Variants in PALM observed in about 807,000 individuals in gnomAD.
PALM encodes the protein paralemmin-1.
A neutral mutation model predicts 30.7 loss-of-function variants in PALM; 18 were observed. The ratio of observed to expected loss-of-function variants is 0.59; its 90% CI spans 0.41 to 0.87. The LOEUF is 0.87. Among genes scored for constraint, PALM ranks in the 40% least tolerant of loss-of-function variants. The pLI is 0.00. For missense variants in PALM, 529 were observed against 555.4 expected (o/e 0.95, Z 0.48); for synonymous variants, 286 against 242.8 (o/e 1.18, Z -1.66).
At position 727,552 on chromosome 19, in the gene PALM, C is replaced by G; in HGVS notation, c.139-12C>G. 6.4e-7 allele frequency: 1 copy of G among 1,572,660 alleles called. No homozygotes were observed. The highest frequency in any genetic ancestry group is 8.6e-7 in the Non-Finnish European group (1 of 1,156,712). On this transcript the variant is annotated splice_polypyrimidine_tract_variant and intron_variant, in intron 3 of 8. Transcript: ENST00000338448. The stretch of plus-strand genomic sequence containing the variant: ...CCTGCCCACGACTCTGACCTGGATC[C>G]CTGCTGCTCAGTCCAAGGCACTGCG...
chr19:726,957 G>GGGGGGGGGC, intron 2 of PALM, 51 bp from the exon 3 acceptor site: 1 of 1,109,144 alleles, frequency 9.0e-7, no homozygotes, highest in Non-Finnish European at 1.3e-6. Context: ...GGGTGGGGGG[G>GGGGGGGGGC]TCTCCGGGAC....
Position 747,346 on chromosome 19 carries a change from C to T in PALM, c.*532C>T. 1 of 156,826 alleles carries T rather than the reference C, an allele frequency of 6.4e-6. No homozygotes were observed. The highest frequency in any genetic ancestry group is 1.4e-5 in the Non-Finnish European group (1 of 71,516). 9.7% of individuals were successfully genotyped at this position (156,826 alleles called of 1,614,324 possible). The stretch of plus-strand genomic sequence containing the variant: ...CCAATCTCAGGCAGTTGGGGTGAGG[C>T]CGTGCCTCTTTGGGGGCTAAAGGTC... On this transcript the variant is annotated 3_prime_UTR_variant, in exon 9 of 9. Transcript: ENST00000338448.
intron 1 of PALM, among the ~76,000 whole-genome samples, chr19:720,669 G>A (rs981140789): frequency 2.0e-5 from 3 of 151,808 alleles, no homozygotes; most frequent in Non-Finnish European, 4.4e-5. Context: ...CCTGGGGAGG[G>A]GCCTGCGCCC....
rs577489555 is a variant in PALM at position 731,383 on chromosome 19, C to G, written c.420+138C>G. The stretch of plus-strand genomic sequence containing the variant: ...GCCAGGCACTTGATTTCCAGCTCAC[C>G]GGAGCCACTTCCCAGCTGTGTGAGC... On this transcript the variant is annotated intron_variant, in intron 5 of 8. Transcript: ENST00000338448. 15 of 846,014 alleles carry G rather than the reference C, an allele frequency of 1.8e-5. No homozygotes were observed. In the South Asian group the frequency reaches 2.7e-4, roughly 15 times the overall value. 52.4% of individuals were successfully genotyped at this position (846,014 alleles called of 1,614,324 possible).
At chr19:731,417 G>A (rs1050817912) in intron 5 of PALM, among the ~76,000 whole-genome samples, 172 bp downstream of exon 5, 2 of 152,246 alleles carry the variant, frequency 1.3e-5, no homozygotes, top group Non-Finnish European at 1.5e-5. Context: ...GCCGGGACAC[G>A]TGGTTTCGCC....
Position 746,291 on chromosome 19 carries a change from A to G in PALM, c.641A>G (p.His214Arg). The G allele has an allele frequency of 1.2e-6, 2 of 1,612,454 alleles. No homozygotes were observed. Among genetic ancestry groups the G allele is most frequent in the Non-Finnish European group, 1.7e-6 (2 of 1,179,212 alleles). Residue 214 changes from histidine to arginine, a missense_variant, in exon 9 of 9, where the codon CAT (histidine) becomes CGT (arginine). Physicochemically the swap from His to Arg is conservative, Grantham distance 29. Coordinates refer to ENST00000338448, the MANE Select transcript of PALM (RefSeq NM_002579.3). The surrounding 1 kb of genome is among the most constrained non-coding windows in gnomAD (Gnocchi z 7.1). ...TCTGTCTCTCCTTGTACAGTGGTCC[A>G]TGCTGTGGACGGCACCGCCGAGAAC... ...KVYEDETKVV[H>R]AVDGTAENGI...
intron 1 of PALM, among the ~76,000 whole-genome samples, chr19:718,049 G>A (rs1224120232): frequency 6.6e-6 from 1 of 152,162 alleles, no homozygotes; most frequent in Non-Finnish European, 1.5e-5. Context: ...GGGCGTGGTG[G>A]CATGTGCCTG....
Position 735,954 on chromosome 19 carries a change from C to G in PALM, c.443-65C>G, listed in dbSNP as rs755575108. 10 of 1,396,334 alleles carry G rather than the reference C, an allele frequency of 7.2e-6. No homozygotes were observed. In the Admixed American group the frequency reaches 1.5e-4, roughly 21 times the overall value. 86.5% of individuals were successfully genotyped at this position (1,396,334 alleles called of 1,614,324 possible). The stretch of plus-strand genomic sequence containing the variant: ...CTTCTGTGAAGGGGCGTTGGGCTGT[C>G]TGGGGGGTCCATGTGACCTCTCCTC... On this transcript the variant is annotated intron_variant, in intron 6 of 8. Transcript: ENST00000338448.
chr19:716,237 C>T (rs1393947356), intron 1 of PALM, among the ~76,000 whole-genome samples: 6 of 151,876 alleles, frequency 4.0e-5, no homozygotes, highest in Admixed American at 3.9e-4. Flanking sequence ...CATGGTGAAA[C>T]CCCCGTCTCT....
intron 8 of PALM, among the ~76,000 whole-genome samples, chr19:744,109 G>C (rs1214714582): frequency 6.6e-6 from 1 of 152,194 alleles, no homozygotes; most frequent in Admixed American, 6.6e-5. Context: ...ACTTGAAAAT[G>C]AATAACATTG....
chr19:727,892 A>G, intron 4 of PALM, 198 bp downstream of exon 4: 1 of 581,530 alleles, frequency 1.7e-6, no homozygotes. Context: ...GGTCTGGGGC[A>G]GCTTGCTGGG....
chr19:716,883 C>T lies in PALM; in HGVS notation c.5+7732C>T, dbSNP rs1292602411. On this transcript the variant is annotated intron_variant, in intron 1 of 8. Transcript: ENST00000338448. The stretch of plus-strand genomic sequence containing the variant: ...AAATACATTTCACACGCTACACAGT[C>T]TGGCTGCTTAAAGTGTACAGCTCAG... 2.6e-5 allele frequency among the ~76,000 whole-genome samples: 4 copies of T among 152,218 alleles called. No individual in the cohort carries two copies. In the East Asian group the frequency reaches 5.8e-4, roughly 22 times the overall value.
At chr19:727,414 C>A (rs1196833552) in intron 3 of PALM, 150 bp from the exon 4 acceptor site, 10 of 648,030 alleles carry the variant, frequency 1.5e-5, no homozygotes, top group Admixed American at 1.1e-4. Flanking sequence ...GATTGTGATT[C>A]TGACCTCAGC....
In PALM at chr19:733,639, G is replaced by T. The variant is rs1404479371; in HGVS notation, c.421-534G>T. 3.3e-5 allele frequency among the ~76,000 whole-genome samples: 5 copies of T among 152,216 alleles called. No individual in the cohort carries two copies. The East Asian group carries it at 9.6e-4, about 29-fold the overall frequency. ...GGAGGGGGCACGGAGGAGCCGGCTG[G>T]ATTCAGGGTGGCCTGCGGGAGCCGC... On this transcript the variant is annotated intron_variant, in intron 5 of 8. Transcript: ENST00000338448.
intron 3 of PALM, 125 bp downstream of exon 3, chr19:727,213 TGACCCTGACCCC>T (rs1449906967): frequency 4.8e-5 from 31 of 646,356 alleles, no homozygotes; most frequent in Non-Finnish European, 6.7e-5. Context: ...CCTCCAGCCC[TGACCCTGACCCC>T]GACCCTGACC....
At chr19:715,544 GA>G (rs1479108124) in intron 1 of PALM, among the ~76,000 whole-genome samples, 2 of 152,228 alleles carry the variant, frequency 1.3e-5, no homozygotes, top group African/African-American at 4.8e-5. Flanking sequence ...GCACCTTGTG[GA>G]AGGACTGGCA....
intron 3 of PALM, 143 bp downstream of exon 3, chr19:727,231 T>TGACCCTGACCCC (rs1568225351): frequency 1.7e-6 from 1 of 593,080 alleles, no homozygotes; most frequent in Non-Finnish European, 2.9e-6. Context: ...ACCCCGACCC[T>TGACCCTGACCCC]GACCCCGACC....
chr19:723,193 C>T (rs1051734663), intron 1 of PALM, among the ~76,000 whole-genome samples: 6 of 152,116 alleles, frequency 3.9e-5, no homozygotes, highest in African/African-American at 1.4e-4. Flanking sequence ...GCATCTGTGC[C>T]TCCGTGTTTG....
chr19:710,944 C>G (rs1271138500), intron 1 of PALM, among the ~76,000 whole-genome samples: 1 of 152,228 alleles, frequency 6.6e-6, no homozygotes, highest in Admixed American at 6.5e-5. Context: ...TTCTTCTCCC[C>G]GGCGGGCTTC....
Sources: allele counts gnomAD v4.1 joint callset (sites outside exome capture counted in the v4.1 genomes callset), GRCh38; gene constraint gnomAD v4.1.1; non-coding constraint Gnocchi (gnomAD v3.1); transcripts MANE v1.5; gene names NCBI Gene and HGNC (gene_info 2026-07-23, HGNC 2026-07-21).